Variants in RFTN2 observed in about 807,000 individuals in gnomAD.
RFTN2 encodes the protein raftlin family member 2.
Under a neutral mutation model 52.7 loss-of-function variants are expected in RFTN2, and 34 were observed. The ratio of observed to expected loss-of-function variants is 0.64; its 90% CI spans 0.49 to 0.86. RFTN2 has a LOEUF of 0.86. Ranked by LOEUF, RFTN2 falls within the 40% of genes least tolerant of loss-of-function variation. The probability of loss-of-function intolerance (pLI) is 0.00; values close to 1 mark genes in which losing one functional copy is unlikely to be tolerated. For missense variants in RFTN2, 536 were observed against 600.1 expected, an observed-to-expected ratio of 0.89 and a Z score of 1.12; for synonymous variants, 203 against 217.7, an observed-to-expected ratio of 0.93 and a Z score of 0.59.
intron 1 of RFTN2, among the ~76,000 whole-genome samples, chr2:197,648,836 C>T (rs1033335745): frequency 6.6e-6 from 1 of 152,182 alleles, no homozygotes; most frequent in African/African-American, 2.4e-5. Flanking sequence ...CATTTCCTTC[C>T]CTGTTCTCCC....
Position 197,646,480 on chromosome 2 carries a change from TACC to T in RFTN2, c.323_323+2del. 2 of 1,611,920 alleles carry T rather than the reference TACC, an allele frequency of 1.2e-6. No homozygotes were observed. Among genetic ancestry groups the T allele is most frequent in the Non-Finnish European group, 1.7e-6 (2 of 1,178,986 alleles). On this transcript the variant is annotated splice_donor_variant and coding_sequence_variant, in exon 2 of 9. Transcript: ENST00000295049. LOFTEE classifies it high-confidence loss of function. ...CTGCCTCTTTCTTGAATAGTGTGCT[TACC>T]TTAATTTCAAGCGCAATAGCACCAC... is the stretch of plus-strand genomic sequence containing the variant.
intron 8 of RFTN2, among the ~76,000 whole-genome samples, chr2:197,594,842 G>A (rs2087771783): frequency 6.6e-6 from 1 of 152,118 alleles, no homozygotes; most frequent in African/African-American, 2.4e-5. Context: ...ATTAATGTGA[G>A]ACAATTTAGC....
intron 8 of RFTN2, among the ~76,000 whole-genome samples, chr2:197,591,245 G>A (rs529757620): frequency 6.6e-6 from 1 of 152,166 alleles, no homozygotes; most frequent in Non-Finnish European, 1.5e-5. Flanking sequence ...GCTAGATATA[G>A]AGTGCCGATT....
intron 5 of RFTN2, among the ~76,000 whole-genome samples, chr2:197,629,875 C>T (rs1039686067): frequency 6.6e-6 from 1 of 151,966 alleles, no homozygotes; most frequent in South Asian, 2.1e-4. Context: ...AGGTGGCTGC[C>T]ACCATGCCTG....
chr2:197,640,106 C>T (rs1422065723), intron 3 of RFTN2, among the ~76,000 whole-genome samples: 2 of 152,238 alleles, frequency 1.3e-5, no homozygotes, highest in African/African-American at 2.4e-5. Flanking sequence ...TCTCAGATCT[C>T]CAGCTGCGTG....
intron 1 of RFTN2, among the ~76,000 whole-genome samples, chr2:197,655,629 T>G (rs1289114105): frequency 6.6e-6 from 1 of 152,062 alleles, no homozygotes; most frequent in African/African-American, 2.4e-5. Context: ...ATCGAGACCA[T>G]CCTGGCCAAC....
chr2:197,656,973 C>T (rs185535838), intron 1 of RFTN2, among the ~76,000 whole-genome samples: 1 of 152,200 alleles, frequency 6.6e-6, no homozygotes. Context: ...GGGCCCAGTG[C>T]TGCCATGTGG....
At chr2:197,581,466 C>T (rs865996219) in intron 8 of RFTN2, among the ~76,000 whole-genome samples, 25 of 152,208 alleles carry the variant, frequency 1.6e-4, no homozygotes, top group African/African-American at 5.3e-4. Flanking sequence ...GCTCTACTGC[C>T]GCAAGCCTTC....
chr2:197,621,265 A>G (rs1435349368), intron 5 of RFTN2, among the ~76,000 whole-genome samples: 1 of 151,924 alleles, frequency 6.6e-6, no homozygotes, highest in Non-Finnish European at 1.5e-5. Flanking sequence ...CTTCTTTCTT[A>G]CTTTGGGATT....
At chr2:197,653,745 A>G (rs1180143083) in intron 1 of RFTN2, among the ~76,000 whole-genome samples, 1 of 152,166 alleles carries the variant, frequency 6.6e-6, no homozygotes, top group Non-Finnish European at 1.5e-5. Context: ...TTACCAAAAA[A>G]AAGTTCTGAA....
chr2:197,623,652 C>T (rs958869296), intron 5 of RFTN2, among the ~76,000 whole-genome samples: 3 of 151,598 alleles, frequency 2.0e-5, no homozygotes, highest in African/African-American at 7.3e-5. Context: ...CTAATTTTTG[C>T]ATTTTAATTT....
rs560034740 is a variant in RFTN2, at chr2:197,647,867, T to A, written c.140-1201A>T. ...ACTATCTGTACAGACTTTAGAGTAGTAAAAGGAAAAGAGTGTGTTATTTGA... is the reference window on the plus strand; with the variant it reads ...ACTATCTGTACAGACTTTAGAGTAGAAAAAGGAAAAGAGTGTGTTATTTGA... On this transcript the variant is annotated intron_variant, in intron 1 of 8. Transcript: ENST00000295049. 2.0e-5 allele frequency among the ~76,000 whole-genome samples: 3 copies of A among 152,270 alleles called. No homozygotes were observed. The East Asian group carries it at 5.8e-4, about 29-fold the overall frequency.
At chr2:197,665,046 T>C (rs768085289) in intron 1 of RFTN2, among the ~76,000 whole-genome samples, 5 of 152,206 alleles carry the variant, frequency 3.3e-5, no homozygotes, top group Non-Finnish European at 5.9e-5. Flanking sequence ...TGTTGGGCAC[T>C]ATGCGCACTA....
At chr2:197,604,358 C>A (rs1054454075) in intron 7 of RFTN2, among the ~76,000 whole-genome samples, 5 of 152,254 alleles carry the variant, frequency 3.3e-5, no homozygotes, top group Middle Eastern at 3.4e-3. Context: ...CAGCAAACCA[C>A]CAGCAGCTGA....
rs1379654599 is a variant in RFTN2 at position 197,644,055 on chromosome 2, A to G, written c.438+103T>C. 33 of 752,604 alleles carry G rather than the reference A, an allele frequency of 4.4e-5. 1 individual carries two copies. Among genetic ancestry groups the G allele is most frequent in the Admixed American group, 4.1e-4 (20 of 48,438 alleles). 46.6% of individuals were successfully genotyped at this position (752,604 alleles called of 1,614,324 possible). Reference sequence around the variant, plus strand: ...TGTTTTAAATTCTGGTAGAAAAGTTACCTGTCATTTCCTTATTCTTTTTAG... The same window carrying G: ...TGTTTTAAATTCTGGTAGAAAAGTTGCCTGTCATTTCCTTATTCTTTTTAG... On this transcript the variant is annotated intron_variant, in intron 3 of 8. Coordinates refer to ENST00000295049, the MANE Select transcript of RFTN2 (RefSeq NM_144629.3).
chr2:197,629,493 T>C (rs1333231095), intron 5 of RFTN2, among the ~76,000 whole-genome samples: 1 of 152,024 alleles, frequency 6.6e-6, no homozygotes, highest in Non-Finnish European at 1.5e-5. Context: ...ATACCTAATG[T>C]AAATGACGAT....
At chr2:197,640,021 T>C (rs2088635266) in intron 3 of RFTN2, among the ~76,000 whole-genome samples, 1 of 152,230 alleles carries the variant, frequency 6.6e-6, no homozygotes, top group African/African-American at 2.4e-5. Flanking sequence ...AGTGTGCCCC[T>C]GCTGGGGGTG....
chr2:197,660,572 T>C (rs2088963695), intron 1 of RFTN2, among the ~76,000 whole-genome samples: 1 of 151,972 alleles, frequency 6.6e-6, no homozygotes, highest in African/African-American at 2.4e-5. Flanking sequence ...TATTTATCAT[T>C]TCTTTTTTCT....
At chr2:197,577,581 CT>C (rs2087439589) in intron 8 of RFTN2, among the ~76,000 whole-genome samples, 2 of 152,242 alleles carry the variant, frequency 1.3e-5, no homozygotes, top group Non-Finnish European at 2.9e-5. Flanking sequence ...AGGATACAGT[CT>C]TTTGGCTTCA....
Sources: allele counts gnomAD v4.1 joint callset (sites outside exome capture counted in the v4.1 genomes callset), GRCh38; gene constraint gnomAD v4.1.1; transcripts MANE v1.5; gene names NCBI Gene and HGNC (gene_info 2026-07-23, HGNC 2026-07-21).